Variants in CLECL1 observed in about 807,000 individuals in gnomAD.
CLECL1 encodes the protein C-type lectin like 1.
chr12:9,715,413 G>A (rs1045084887), downstream of CLECL1, among the ~76,000 whole-genome samples: 2 of 152,162 alleles, frequency 1.3e-5, no homozygotes, highest in East Asian at 1.9e-4. Flanking sequence ...ATCATGGGAG[G>A]TTCAAAGGGG....
intron 1 of CLECL1, among the ~76,000 whole-genome samples, chr12:9,732,351 GA>G (rs1866457602): frequency 6.6e-6 from 1 of 152,202 alleles, no homozygotes; most frequent in African/African-American, 2.4e-5. Context: ...CACTGGCTAT[GA>G]AAATCTATAA....
chr12:9,718,286 C>T (rs937859846), downstream of CLECL1, among the ~76,000 whole-genome samples: 4 of 151,850 alleles, frequency 2.6e-5, no homozygotes, highest in African/African-American at 4.8e-5. Context: ...CATTCCCTGT[C>T]GTATAGAGTT....
At chr12:9,712,676 C>G (rs1436757089), downstream of CLECL1, among the ~76,000 whole-genome samples, 2 of 152,080 alleles carry the variant, frequency 1.3e-5, no homozygotes, top group Non-Finnish European at 2.9e-5. Context: ...ATGAGGTTAT[C>G]TGTAGTTTAT....
chr12:9,714,348 G>T (rs559434024), downstream of CLECL1, among the ~76,000 whole-genome samples: 4 of 152,204 alleles, frequency 2.6e-5, no homozygotes, highest in African/African-American at 9.6e-5. Flanking sequence ...TGGGCAGTAA[G>T]AAGAAAGATG....
chr12:9,733,229 G>A (rs760579440), upstream of CLECL1: 17 of 1,612,392 alleles, frequency 1.1e-5, no homozygotes, highest in East Asian at 2.2e-4. Flanking sequence ...CAGATTTCTC[G>A]AATACTTGTA....
At chr12:9,720,751 A>C (rs1866300240), downstream of CLECL1, among the ~76,000 whole-genome samples, 1 of 152,186 alleles carries the variant, frequency 6.6e-6, no homozygotes, top group Admixed American at 6.5e-5. Flanking sequence ...GAGTTTGTAG[A>C]GAAATAGCCT....
exon 2 of CLECL1, among the ~76,000 whole-genome samples, chr12:9,729,646 A>G (rs1206781965): frequency 6.6e-6 from 1 of 152,178 alleles, no homozygotes; most frequent in African/African-American, 2.4e-5. Flanking sequence ...TGCACATCCA[A>G]CGTTAAGAAC....
intron 2 of CLECL1, among the ~76,000 whole-genome samples, chr12:9,729,369 G>A (rs1241796373): frequency 6.6e-6 from 1 of 151,958 alleles, no homozygotes; most frequent in Non-Finnish European, 1.5e-5. Context: ...AACTAATCTT[G>A]CCATCTCTTT....
At chr12:9,707,644 C>G in the CLECL1 span, among the ~76,000 whole-genome samples, 1 of 152,156 alleles carries the variant, frequency 6.6e-6, no homozygotes, top group African/African-American at 2.4e-5. Context: ...CATCACATGC[C>G]CTGCAAGGGG....
chr12:9,717,046 T>C (rs1019794374), intron 2 of CLECL1, among the ~76,000 whole-genome samples: 1 of 152,240 alleles, frequency 6.6e-6, no homozygotes, highest in African/African-American at 2.4e-5. Context: ...TCCATCCCTC[T>C]ACCCAGCAAG....
At chr12:9,727,883 A>G (rs2192435) in intron 2 of CLECL1, among the ~76,000 whole-genome samples, 136,717 of 151,740 alleles carry the variant, frequency 0.9, 61,629 homozygotes, top group East Asian at 0.97. Context: ...TTAACTTTAA[A>G]AGAATTGGAA....
intron 1 of CLECL1, among the ~76,000 whole-genome samples, chr12:9,731,444 A>C (rs1367736948): frequency 4.6e-5 from 7 of 152,240 alleles, no homozygotes; most frequent in Admixed American, 1.3e-4. Flanking sequence ...AGGAGAAAAG[A>C]AAAGGCCAAT....
intron 1 of CLECL1, among the ~76,000 whole-genome samples, chr12:9,732,420 C>T (rs1435338102): frequency 6.6e-6 from 1 of 152,170 alleles, no homozygotes; most frequent in Non-Finnish European, 1.5e-5. Context: ...ATGCTTATCG[C>T]CTCTGATTCC....
intron 3 of CLECL1, among the ~76,000 whole-genome samples, chr12:9,725,084 C>A (rs776079804): frequency 2.0e-5 from 3 of 152,090 alleles, no homozygotes; most frequent in African/African-American, 7.2e-5. Context: ...GAAAAATCTT[C>A]CAAAAATTGT....
chr12:9,716,575 C>T, exon 3 of CLECL1: 1 of 229,282 alleles, frequency 4.4e-6, no homozygotes, highest in Middle Eastern at 1.3e-3. Context: ...CTTCAGCCAT[C>T]TCCTGGCGGC....
chr12:9,733,493 AC>A (rs1385411563), upstream of CLECL1, among the ~76,000 whole-genome samples: 1 of 152,212 alleles, frequency 6.6e-6, no homozygotes, highest in Non-Finnish European at 1.5e-5. Flanking sequence ...TACGAAAGTT[AC>A]AGAAAGGGGC....
chr12:9,704,757 C>T, the CLECL1 span, among the ~76,000 whole-genome samples: 1 of 152,120 alleles, frequency 6.6e-6, no homozygotes, highest in East Asian at 1.9e-4. Flanking sequence ...CTTTTTATGG[C>T]TGCATAGTAT....
chr12:9,723,658 C>A (rs1193061737), intron 3 of CLECL1, among the ~76,000 whole-genome samples: 1 of 152,060 alleles, frequency 6.6e-6, no homozygotes, highest in African/African-American at 2.4e-5. Flanking sequence ...ACCTGAATAA[C>A]CAGAGAACAG....
chr12:9,727,885 G>A (rs1866398753), intron 2 of CLECL1, among the ~76,000 whole-genome samples: 1 of 151,708 alleles, frequency 6.6e-6, no homozygotes, highest in Non-Finnish European at 1.5e-5. Flanking sequence ...AACTTTAAAA[G>A]AATTGGAAAA....
Sources: gnomAD v4.1 joint callset for allele counts (sites outside exome capture counted in the v4.1 genomes callset) on GRCh38, gnomAD v4.1.1 for gene constraint, MANE v1.5 for transcripts, NCBI Gene and HGNC (gene_info 2026-07-23, HGNC 2026-07-21) for gene names.